The following WDR59 variants were observed in gnomAD, a reference collection of about 807,000 sequenced individuals.
WDR59 encodes WD repeat domain 59.
In WDR59, 100 loss-of-function variants were observed where a neutral mutation model predicts 131.2. The ratio of observed to expected loss-of-function variants is 0.76; its 90% CI spans 0.65 to 0.90. WDR59 has a LOEUF of 0.90. Ranked by LOEUF, WDR59 falls within the 40% of genes least tolerant of loss-of-function variation. The pLI, the probability that WDR59 is intolerant of heterozygous loss-of-function variation, is 0.00. For synonymous variants in WDR59, 601 were observed against 466.2 expected (o/e 1.29, Z -3.72); for missense variants, 1,203 against 1,262.2 (o/e 0.95, Z 0.71).
rs372549419 is a variant in WDR59, at chr16:74,954,227, G to A, written c.240+2248C>T. Among the ~76,000 whole-genome samples, 23 of 152,108 alleles carry A rather than the reference G, an allele frequency of 1.5e-4. No homozygotes were observed. In the South Asian group the frequency reaches 2.3e-3, roughly 15 times the overall value. On this transcript the variant is annotated intron_variant, in intron 3 of 25. Coordinates refer to ENST00000262144, the MANE Select transcript of WDR59 (RefSeq NM_030581.4). The stretch of plus-strand genomic sequence containing the variant: ...AGTTTGAGACCAGCTGGACCAACAC[G>A]GAGAAACCCTGTCTCTACTAAAAAT...
rs1430555239 is a variant in WDR59, at chr16:74,872,012, G to C, written c.*2197C>G. ...TCATCCAAAACAGTGTTGTGAAAAT[G>C]TTTTGACTACAACTTTCAGTAAGAA... On this transcript the variant is annotated 3_prime_UTR_variant, in exon 26 of 26. Coordinates refer to ENST00000262144, the MANE Select transcript of WDR59 (RefSeq NM_030581.4). 1 of 152,222 alleles carries C rather than the reference G, an allele frequency of 6.6e-6. No homozygotes were observed. The highest frequency in any genetic ancestry group is 1.5e-5 in the Non-Finnish European group (1 of 68,038). The allele number at this position is 152,222 out of a possible 1,614,324, so 9.4% of individuals were successfully genotyped here.
intron 8 of WDR59, among the ~76,000 whole-genome samples, chr16:74,927,838 A>C (rs1002494699): frequency 6.6e-6 from 1 of 151,710 alleles, no homozygotes; most frequent in Non-Finnish European, 1.5e-5. Context: ...TATTTAAAGA[A>C]CCAGATGCTG....
rs565270925 is a variant in WDR59 at position 74,962,449 on chromosome 16, C to G, written c.104+3324G>C. On this transcript the variant is annotated intron_variant, in intron 2 of 25. Coordinates refer to ENST00000262144, the MANE Select transcript of WDR59 (RefSeq NM_030581.4). ...ATGTTTTGCTATTTGTTTCTGTCCT[C>G]TCTGATTTCCTTGTACAGTGGTTTG... Among the ~76,000 whole-genome samples, 7 of 152,244 alleles carry G rather than the reference C, an allele frequency of 4.6e-5. No homozygotes were observed. The South Asian group carries it at 8.3e-4, about 18-fold the overall frequency.
At chr16:74,910,380 C>T (rs1321702144) in intron 14 of WDR59, among the ~76,000 whole-genome samples, 1 of 152,158 alleles carries the variant, frequency 6.6e-6, no homozygotes, top group Non-Finnish European at 1.5e-5. Context: ...TCTACCTCTA[C>T]CGAGGTTAAA....
At chr16:74,908,178 G>A (rs1230231654) in intron 17 of WDR59, among the ~76,000 whole-genome samples, 2 of 131,254 alleles carry the variant, frequency 1.5e-5, no homozygotes, top group African/African-American at 5.8e-5. Context: ...AGCACTTTGA[G>A]AGGCTGAGGC....
At position 74,916,139 on chromosome 16, in the gene WDR59, C is replaced by G; in HGVS notation, c.1087G>C (p.Gly363Arg). Residue 363 changes from glycine (G) to arginine (R), a missense_variant, in exon 12 of 26, where the codon GGG becomes CGG. Gly to Arg is a moderately radical substitution (Grantham distance 125). Coordinates refer to ENST00000262144, the MANE Select transcript of WDR59 (RefSeq NM_030581.4). The stretch of plus-strand genomic sequence containing the variant: ...TTTGACAAATTACCTTCTTCCTCCC[C>G]ATGGCTTGCAGTGTGCTGGTGATCT... ...DTDHQHTASHGEEEALKEDPP... is the reference protein window; with the variant it reads ...DTDHQHTASHREEEALKEDPP... The G allele has an allele frequency of 6.2e-7, 1 of 1,614,208 alleles. No individual in the cohort carries two copies. The highest frequency in any genetic ancestry group is 8.5e-7 in the Non-Finnish European group (1 of 1,180,032).
At chr16:74,884,562 G>A (rs1435507517) in intron 25 of WDR59, among the ~76,000 whole-genome samples, 4 of 152,184 alleles carry the variant, frequency 2.6e-5, no homozygotes, top group African/African-American at 9.7e-5. Context: ...TGGCCAGGCT[G>A]GTCTCAAACC....
At chr16:74,972,140 T>C (rs1426681777) in intron 1 of WDR59, among the ~76,000 whole-genome samples, 1 of 152,206 alleles carries the variant, frequency 6.6e-6, no homozygotes, top group Admixed American at 6.5e-5. Flanking sequence ...TCTTTGTTCC[T>C]TCAACTGCAA....
In WDR59 at chr16:74,951,517, C is replaced by A; in HGVS notation, c.267G>T (p.Lys89Asn). The change falls in exon 4 of 26, where the codon AAG becomes AAT. Residue 89 changes from lysine (K) to asparagine (N), a missense_variant. Lys to Asn is a moderately conservative substitution (Grantham distance 94). Coordinates refer to ENST00000262144, the MANE Select transcript of WDR59 (RefSeq NM_030581.4). Reference sequence around the variant, plus strand: ...CAACTTCCCCACTGCCGTCTTTCCACTTGTAAAGGTCTACTCGTTGGTTAC... The same window carrying A: ...CAACTTCCCCACTGCCGTCTTTCCAATTGTAAAGGTCTACTCGTTGGTTAC... Reference protein sequence around the residue: ...ASSNQRVDLYKWKDGSGEVGT... With the variant: ...ASSNQRVDLYNWKDGSGEVGT... The A allele has an allele frequency of 6.2e-7, 1 of 1,601,106 alleles. No individual in the cohort carries two copies. The highest frequency in any genetic ancestry group is 8.5e-7 in the Non-Finnish European group (1 of 1,174,352).
chr16:74,916,365 A>C (rs1966386318), intron 11 of WDR59, 106 bp from the exon 12 acceptor site: 2 of 1,425,978 alleles, frequency 1.4e-6, no homozygotes, highest in Non-Finnish European at 2.0e-6. Flanking sequence ...AAGGATGGGG[A>C]TGTGTCAGCC....
rs1245115958 is a variant in WDR59 at position 74,948,504 on chromosome 16, G to C, written c.445+15C>G. 6.2e-7 allele frequency: 1 copy of C among 1,611,238 alleles called. No individual in the cohort carries two copies. The highest frequency in any genetic ancestry group is 8.5e-7 in the Non-Finnish European group (1 of 1,177,610). ...ACCAAGGCGCCAGGGTGAGGTGGGA[G>C]AAGCATACACTCACCAACAGCAGAC... On this transcript the variant is annotated intron_variant, in intron 6 of 25. Transcript: ENST00000262144.
rs147726343 is a variant in WDR59, at chr16:74,963,613, C to T, written c.104+2160G>A. Reference sequence around the variant, plus strand: ...GGGGGGCCAGGGGGAGGGAGAGCATCGGGATAAATAGCTAATGCATGTGGG... The same window carrying T: ...GGGGGGCCAGGGGGAGGGAGAGCATTGGGATAAATAGCTAATGCATGTGGG... On this transcript the variant is annotated intron_variant, in intron 2 of 25. Coordinates refer to ENST00000262144, the MANE Select transcript of WDR59 (RefSeq NM_030581.4). Among the ~76,000 whole-genome samples, 1,335 of 152,060 alleles carry T rather than the reference C, an allele frequency of 8.8e-3. 9 individuals are homozygous for T. Among genetic ancestry groups the T allele is most frequent in the Non-Finnish European group, 0.016 (1,089 of 67,988 alleles).
At position 74,888,195 on chromosome 16, in the gene WDR59, TAGA is replaced by T; in HGVS notation, c.2317_2319del (p.Ser773del). ...TATCGACTATGGGACACCACAAGAT[TAGA>T]AGAACGGTTAGGAAAAGGCCCAAAG... On this transcript the variant is annotated inframe_deletion, in exon 22 of 26. Coordinates refer to ENST00000262144, the MANE Select transcript of WDR59 (RefSeq NM_030581.4). 2 of 1,611,932 alleles carry T rather than the reference TAGA, an allele frequency of 1.2e-6. No homozygotes were observed. The highest frequency in any genetic ancestry group is 1.3e-5 in the African/African-American group (1 of 74,644).
At chr16:74,923,385 G>T (rs1442814676) in intron 9 of WDR59, among the ~76,000 whole-genome samples, 2 of 152,026 alleles carry the variant, frequency 1.3e-5, no homozygotes, top group Non-Finnish European at 2.9e-5. Flanking sequence ...TACCATTAGT[G>T]AGTATCTTTA....
In WDR59 at chr16:74,873,535, A is replaced by G. The variant is rs1019707266; in HGVS notation, c.*674T>C. Reference sequence around the variant, plus strand: ...GTCCTATTCAAAATAGCTACCTTCAATTAGAATTAGGGTAAAAAATGATTC... The same window carrying G: ...GTCCTATTCAAAATAGCTACCTTCAGTTAGAATTAGGGTAAAAAATGATTC... On this transcript the variant is annotated 3_prime_UTR_variant, in exon 26 of 26. Transcript: ENST00000262144. The G allele has an allele frequency of 3.3e-5, 5 of 151,914 alleles. No homozygotes were observed. In the East Asian group the frequency reaches 5.8e-4, roughly 18 times the overall value. 9.4% of individuals were successfully genotyped at this position (151,914 alleles called of 1,614,324 possible).
intron 8 of WDR59, among the ~76,000 whole-genome samples, chr16:74,931,793 G>A (rs1049634485): frequency 1.3e-5 from 2 of 151,982 alleles, no homozygotes; most frequent in African/African-American, 4.8e-5. Context: ...AAGATCGTTT[G>A]AGCCCAGGAG....
chr16:74,899,831 A>C, intron 18 of WDR59: 2 of 1,068,992 alleles, frequency 1.9e-6, no homozygotes, highest in Non-Finnish European at 2.5e-6. Context: ...TATAGAATAA[A>C]ATGAAAGCTT....
intron 5 of WDR59, among the ~76,000 whole-genome samples, chr16:74,948,933 G>C (rs376941574): frequency 2.6e-5 from 4 of 152,272 alleles, no homozygotes; most frequent in African/African-American, 9.6e-5. Context: ...AGGAGGCAGA[G>C]GTTGCAGTGA....
intron 10 of WDR59, among the ~76,000 whole-genome samples, chr16:74,918,506 T>C (rs909926602): frequency 1.3e-5 from 2 of 152,230 alleles, no homozygotes; most frequent in African/African-American, 4.8e-5. Flanking sequence ...CATGGCATCT[T>C]ACCATTCAAA....
Sources: allele counts gnomAD v4.1 joint callset (sites outside exome capture counted in the v4.1 genomes callset), GRCh38; gene constraint gnomAD v4.1.1; transcripts MANE v1.5; gene names NCBI Gene and HGNC (gene_info 2026-07-23, HGNC 2026-07-21).